TNIP3: variants seen among roughly 807,000 people sequenced by gnomAD.
TNIP3 encodes the protein TNFAIP3 interacting protein 3, also known as TNFAIP3-interacting protein 3.
Under a neutral mutation model 54.1 loss-of-function variants are expected in TNIP3, and 34 were observed. That is an observed-to-expected ratio of 0.63 (90% CI 0.48 to 0.84). The LOEUF (loss-of-function observed/expected upper bound fraction) is 0.84, where lower values mean the gene tolerates loss of function less well. Among genes scored for constraint, TNIP3 ranks in the 40% least tolerant of loss-of-function variants. The pLI, the probability that TNIP3 is intolerant of heterozygous loss-of-function variation, is 0.00. For missense variants in TNIP3, 366 were observed against 387.6 expected (o/e 0.94, Z 0.47); for synonymous variants, 134 against 136.8 (o/e 0.98, Z 0.14).
At chr4:121,210,131 A>G (rs1395603037) in intron 2 of TNIP3, among the ~76,000 whole-genome samples, 1 of 152,222 alleles carries the variant, frequency 6.6e-6, no homozygotes, top group Middle Eastern at 3.2e-3. Context: ...TAAATAAATA[A>G]GAACTTTTGC....
At chr4:121,195,038 G>T (rs1725501750) in intron 2 of TNIP3, among the ~76,000 whole-genome samples, 1 of 148,730 alleles carries the variant, frequency 6.7e-6, no homozygotes, top group African/African-American at 2.6e-5. Flanking sequence ...CATGGTGGCA[G>T]GTGGCTGTAA....
chr4:121,138,958 T>C (rs1483108865), intron 9 of TNIP3, among the ~76,000 whole-genome samples: 1 of 152,304 alleles, frequency 6.6e-6, no homozygotes, highest in African/African-American at 2.4e-5. Context: ...AGATGTGTTT[T>C]GAATATCTGC....
chr4:121,213,030 C>G (rs1726563577), intron 2 of TNIP3, among the ~76,000 whole-genome samples: 1 of 152,114 alleles, frequency 6.6e-6, no homozygotes, highest in Non-Finnish European at 1.5e-5. Flanking sequence ...AGCTGTTTGG[C>G]TGCTCAATGT....
intron 2 of TNIP3, among the ~76,000 whole-genome samples, chr4:121,197,670 C>G (rs1410841565): frequency 6.6e-6 from 1 of 151,936 alleles, no homozygotes; most frequent in African/African-American, 2.4e-5. Context: ...TATTCCAAAC[C>G]TAGCTGGAAA....
intron 7 of TNIP3, among the ~76,000 whole-genome samples, 167 bp downstream of exon 7, chr4:121,146,882 G>A (rs1579383932): frequency 1.3e-5 from 2 of 152,152 alleles, no homozygotes; most frequent in Middle Eastern, 6.8e-3. Context: ...GAAATTTCCA[G>A]TCATTTTCAT....
intron 3 of TNIP3, among the ~76,000 whole-genome samples, chr4:121,180,607 G>A (rs559117866): frequency 2.0e-5 from 3 of 152,292 alleles, no homozygotes; most frequent in African/African-American, 7.2e-5. Flanking sequence ...TTGTGTAAGA[G>A]TGAGTTCAAA....
chr4:121,220,603 C>T (rs1365045726), upstream of TNIP3, among the ~76,000 whole-genome samples: 4 of 151,522 alleles, frequency 2.6e-5, no homozygotes, highest in African/African-American at 9.7e-5. Flanking sequence ...TTTTTTTTAA[C>T]CTTTTGGTAC....
In TNIP3 at chr4:121,143,914, A is replaced by T. The variant is rs114482211; in HGVS notation, c.736-1138T>A. Among the ~76,000 whole-genome samples, 1,242 of 152,348 alleles carry T rather than the reference A, an allele frequency of 8.2e-3. 13 individuals carry two copies. Among genetic ancestry groups the T allele is most frequent in the African/African-American group, 0.029 (1,203 of 41,582 alleles). On this transcript the variant is annotated intron_variant, in intron 7 of 10. Transcript: ENST00000057513. ...GCATGACAGCATATACGTGTGGGCC[A>T]TTCTAAACCATGAAATCACCAACAA...
At chr4:121,185,169 T>C (rs912439254) in intron 2 of TNIP3, among the ~76,000 whole-genome samples, 3 of 152,232 alleles carry the variant, frequency 2.0e-5, no homozygotes, top group Non-Finnish European at 4.4e-5. Flanking sequence ...TCTCGTTTCC[T>C]TGCTATCTTT....
At chr4:121,208,021 T>A (rs1726278985) in intron 2 of TNIP3, among the ~76,000 whole-genome samples, 2 of 152,156 alleles carry the variant, frequency 1.3e-5, no homozygotes, top group South Asian at 2.1e-4. Context: ...CGCTTTTGCA[T>A]CTTCCTCATT....
At chr4:121,195,288 A>G (rs1725518508) in intron 2 of TNIP3, among the ~76,000 whole-genome samples, 1 of 152,244 alleles carries the variant, frequency 6.6e-6, no homozygotes, top group African/African-American at 2.4e-5. Flanking sequence ...ATGGGATTAT[A>G]GAAGGAAGAA....
intron 1 of TNIP3, among the ~76,000 whole-genome samples, chr4:121,163,756 T>C (rs1730598130): frequency 1.3e-5 from 2 of 152,166 alleles, no homozygotes; most frequent in Admixed American, 1.3e-4. Context: ...ATATGTTCTA[T>C]TTCTACCTAC....
rs1287444107 is a variant in TNIP3 at position 121,197,793 on chromosome 4, T to A, written c.69-14997A>T. Among the ~76,000 whole-genome samples the A allele has an allele frequency of 2.0e-5, 3 of 152,246 alleles. No homozygotes were observed. The East Asian group carries it at 5.8e-4, about 29-fold the overall frequency. On this transcript the variant is annotated intron_variant, in intron 2 of 12. Coordinates refer to the TNIP3 transcript ENST00000507879. The stretch of plus-strand genomic sequence containing the variant: ...GCCACCATGAAAGAGAAATGAAGAT[T>A]GTTGGTATTATTCTTGTTAATAAGG...
At chr4:121,200,118 C>T (rs539583636) in intron 2 of TNIP3, among the ~76,000 whole-genome samples, 4 of 152,090 alleles carry the variant, frequency 2.6e-5, no homozygotes, top group South Asian at 4.2e-4. Context: ...ACTGTGACCA[C>T]GTTCACTGGG....
intron 2 of TNIP3, among the ~76,000 whole-genome samples, chr4:121,188,558 C>A (rs116058917): frequency 1.3e-4 from 20 of 152,246 alleles, no homozygotes; most frequent in African/African-American, 4.6e-4. Context: ...TTAATGAGCT[C>A]ATCTAAAGTT....
intron 2 of TNIP3, among the ~76,000 whole-genome samples, chr4:121,198,415 A>G (rs1374525577): frequency 2.6e-5 from 4 of 152,194 alleles, no homozygotes; most frequent in Non-Finnish European, 2.9e-5. Flanking sequence ...TTGCTTATGA[A>G]ATCATTCTCA....
intron 2 of TNIP3, among the ~76,000 whole-genome samples, chr4:121,194,138 T>C (rs1725443944): frequency 6.6e-6 from 1 of 152,162 alleles, no homozygotes; most frequent in South Asian, 2.1e-4. Flanking sequence ...ATTTTGATGG[T>C]TATCTTGTGG....
At position 121,215,970 on chromosome 4, in the gene TNIP3, T is replaced by G. The variant is rs114328437; in HGVS notation, c.68+445A>C. 2.4e-3 allele frequency among the ~76,000 whole-genome samples: 363 copies of G among 151,466 alleles called. 2 individuals carry two copies. Among genetic ancestry groups the G allele is most frequent in the African/African-American group, 8.2e-3 (339 of 41,280 alleles). On this transcript the variant is annotated intron_variant, in intron 2 of 12. Transcript: ENST00000507879. The stretch of plus-strand genomic sequence containing the variant: ...AGATTGATAGAATGTGGAAAGCGCC[T>G]AAGTAAGGGATTTTTTTTCATAAGG...
chr4:121,218,643 T>C (rs1012253634), upstream of TNIP3, among the ~76,000 whole-genome samples: 4 of 148,884 alleles, frequency 2.7e-5, no homozygotes, highest in African/African-American at 9.8e-5. Context: ...TCTCTCTGTC[T>C]CTCTTTCTTT....
Sources: gnomAD v4.1 joint callset for allele counts (sites outside exome capture counted in the v4.1 genomes callset) on GRCh38, gnomAD v4.1.1 for gene constraint, MANE v1.5 for transcripts, NCBI Gene and HGNC (gene_info 2026-07-23, HGNC 2026-07-21) for gene names.